The following NRXN3 variants were observed in gnomAD, a reference collection of about 807,000 sequenced individuals.
The protein encoded by NRXN3 is neurexin III.
In NRXN3, 32 loss-of-function variants were observed where a neutral mutation model predicts 137.6. That is an observed-to-expected ratio of 0.23 (90% confidence interval 0.18 to 0.31). The LOEUF (loss-of-function observed/expected upper bound fraction) is 0.31, where lower values mean the gene tolerates loss of function less well. NRXN3 is among the 10% of genes least tolerant of loss of function. The probability of loss-of-function intolerance (pLI) is 1.00; values close to 1 mark genes in which losing one functional copy is unlikely to be tolerated. For missense variants in NRXN3, 1,574 were observed against 2,062.5 expected (o/e 0.76, Z 4.59); for synonymous variants, 798 against 784.5 (o/e 1.02, Z -0.29).
intron 1 of NRXN3, among the ~76,000 whole-genome samples, chr14:78,226,101 T>C (rs1269638202): frequency 1.3e-5 from 2 of 151,942 alleles, no homozygotes; most frequent in Admixed American, 1.3e-4. Flanking sequence ...CCTCCTGGGT[T>C]CAAGCGATTC....
intron 4 of NRXN3, among the ~76,000 whole-genome samples, chr14:78,498,557 A>T (rs1462890110): frequency 6.6e-6 from 1 of 152,120 alleles, no homozygotes; most frequent in Non-Finnish European, 1.5e-5. Context: ...GGTTGGGGGT[A>T]GGGATAATAA....
At chr14:78,671,605 A>T (rs1293360332) in intron 6 of NRXN3, among the ~76,000 whole-genome samples, 2 of 152,206 alleles carry the variant, frequency 1.3e-5, no homozygotes, top group Non-Finnish European at 2.9e-5. Context: ...TGAAAAAAAG[A>T]AATATTTCAT....
rs963654706 is a variant in NRXN3, at chr14:78,272,793, A to G, written c.710-5852A>G. 2.0e-5 allele frequency among the ~76,000 whole-genome samples: 3 copies of G among 152,112 alleles called. No individual in the cohort carries two copies. In the East Asian group the frequency reaches 5.8e-4, roughly 29 times the overall value. On this transcript the variant is annotated intron_variant, in intron 2 of 20. Coordinates refer to ENST00000335750, the MANE Select transcript of NRXN3 (RefSeq NM_001330195.2). Reference sequence around the variant, plus strand: ...TCATAGTGCAACCTCTCTAGGTCTTAGTTTCCTTATCTGTAAAATAGGATG... The same window carrying G: ...TCATAGTGCAACCTCTCTAGGTCTTGGTTTCCTTATCTGTAAAATAGGATG...
intron 16 of NRXN3, among the ~76,000 whole-genome samples, chr14:79,544,423 T>C (rs1270004790): frequency 6.6e-6 from 1 of 152,240 alleles, no homozygotes; most frequent in Non-Finnish European, 1.5e-5. Flanking sequence ...TGTTTCCTTC[T>C]TTAAAGCATC....
At chr14:79,730,681 T>C (rs1162563762) in intron 19 of NRXN3, among the ~76,000 whole-genome samples, 3 of 152,208 alleles carry the variant, frequency 2.0e-5, no homozygotes, top group Non-Finnish European at 4.4e-5. Context: ...ATATTAACTA[T>C]GTAATTCCAC....
chr14:78,678,577 A>C (rs1313748259), intron 6 of NRXN3, among the ~76,000 whole-genome samples: 1 of 152,130 alleles, frequency 6.6e-6, no homozygotes, highest in Non-Finnish European at 1.5e-5. Flanking sequence ...TTGCTTTCCA[A>C]AGTGATGTAC....
intron 8 of NRXN3, among the ~76,000 whole-genome samples, chr14:78,721,659 A>G (rs1178637029): frequency 1.3e-4 from 20 of 152,196 alleles, no homozygotes; most frequent in Admixed American, 1.2e-3. Context: ...AGTACACTTC[A>G]GGTCCATCAG....
chr14:78,953,427 T>C (rs1258622617), intron 10 of NRXN3, among the ~76,000 whole-genome samples: 1 of 152,224 alleles, frequency 6.6e-6, no homozygotes, highest in Non-Finnish European at 1.5e-5. Context: ...TATTCCCCAT[T>C]CAACAGAGAA....
chr14:79,622,606 T>A (rs2098236438), intron 16 of NRXN3, among the ~76,000 whole-genome samples: 1 of 152,098 alleles, frequency 6.6e-6, no homozygotes, highest in South Asian at 2.1e-4. Flanking sequence ...TTTATTTATT[T>A]ATTTATTTGA....
chr14:79,057,069 G>A (rs976715128), intron 15 of NRXN3, among the ~76,000 whole-genome samples: 6 of 152,196 alleles, frequency 3.9e-5, no homozygotes, highest in South Asian at 2.1e-4. Flanking sequence ...TTTCTCAAGC[G>A]AGTAGACCAC....
intron 3 of NRXN3, chr14:78,282,238 C>A (rs2074507728): frequency 2.2e-6 from 1 of 451,168 alleles, no homozygotes; most frequent in Non-Finnish European, 4.5e-6. Flanking sequence ...CTCTGCCCTG[C>A]CTTTAACCTT....
intron 16 of NRXN3, among the ~76,000 whole-genome samples, chr14:79,627,245 G>T (rs2098292595): frequency 6.6e-6 from 1 of 152,184 alleles, no homozygotes; most frequent in Non-Finnish European, 1.5e-5. Flanking sequence ...TAGATCACCA[G>T]ATAATGCCAA....
rs185931842 is a variant in NRXN3 at position 78,960,578 on chromosome 14, C to T, written c.2395+3217C>T. Among the ~76,000 whole-genome samples the T allele has an allele frequency of 1.1e-4, 16 of 152,214 alleles. 1 individual carries two copies. The highest frequency in any genetic ancestry group is 9.2e-4 in the Admixed American group (14 of 15,288). On this transcript the variant is annotated intron_variant, in intron 11 of 20. Coordinates refer to ENST00000335750, the MANE Select transcript of NRXN3 (RefSeq NM_001330195.2). ...TGTGTTCTTGGAAAAGCATTAAGTT[C>T]GGGTGACAGTTAATAATAATTGATT...
Position 78,281,399 on chromosome 14 carries a change from T to A in NRXN3, c.727+2737T>A, listed in dbSNP as rs2074390207. Among the ~76,000 whole-genome samples the A allele has an allele frequency of 2.6e-5, 4 of 152,230 alleles. No homozygotes were observed. The South Asian group carries it at 8.3e-4, about 32-fold the overall frequency. ...CGCTGGAAGACTATAAAGGGATGAT[T>A]GATTAATTGATTAATTTTACATGTG... On this transcript the variant is annotated intron_variant, in intron 3 of 20. Transcript: ENST00000335750.
Position 78,636,836 on chromosome 14 carries a change from A to ATTTATTTT in NRXN3, c.758-8281_758-8280insATTTTTTT, listed in dbSNP as rs529407158. On this transcript the variant is annotated intron_variant, in intron 4 of 20. Coordinates refer to ENST00000335750, the MANE Select transcript of NRXN3 (RefSeq NM_001330195.2). ...TTGTGTATTTCTTTTTTTATTTTTTATTTTTTTAGCAATATCCGTCCTATC... is the reference window on the plus strand; with the variant it reads ...TTGTGTATTTCTTTTTTTATTTTTTATTTATTTTTTTTTTTAGCAATATCCGTCCTATC... Among the ~76,000 whole-genome samples, 728 of 151,890 alleles carry ATTTATTTT rather than the reference A, an allele frequency of 4.8e-3. 7 individuals are homozygous for ATTTATTTT. The highest frequency in any genetic ancestry group is 0.016 in the African/African-American group (681 of 41,380).
At chr14:78,201,377 G>A (rs1006628225) in intron 1 of NRXN3, among the ~76,000 whole-genome samples, 3 of 152,150 alleles carry the variant, frequency 2.0e-5, no homozygotes, top group Admixed American at 6.5e-5. Flanking sequence ...CCATCTGGCC[G>A]CTCTGGGGCT....
intron 8 of NRXN3, among the ~76,000 whole-genome samples, chr14:78,781,703 G>C (rs1161486039): frequency 6.6e-6 from 1 of 151,912 alleles, no homozygotes; most frequent in Non-Finnish European, 1.5e-5. Context: ...AACCAACTAG[G>C]GACATAAAGA....
At chr14:79,131,350 GT>G (rs1355230424) in intron 15 of NRXN3, among the ~76,000 whole-genome samples, 2 of 152,034 alleles carry the variant, frequency 1.3e-5, no homozygotes, top group East Asian at 3.9e-4. Flanking sequence ...GTACAGATGG[GT>G]TTTTCGTGTG....
intron 19 of NRXN3, among the ~76,000 whole-genome samples, chr14:79,776,259 A>G (rs574575759): frequency 1.1e-4 from 17 of 152,284 alleles, no homozygotes; most frequent in African/African-American, 3.8e-4. Flanking sequence ...CTCCTAGACT[A>G]TGAAATCCTT....
Sources: allele counts gnomAD v4.1 joint callset (sites outside exome capture counted in the v4.1 genomes callset), GRCh38; gene constraint gnomAD v4.1.1; transcripts MANE v1.5; gene names NCBI Gene and HGNC (gene_info 2026-07-23, HGNC 2026-07-21).